SIGLEC9: variants seen among roughly 807,000 people sequenced by gnomAD.
SIGLEC9 encodes the protein sialic acid-binding Ig-like lectin 9.
SIGLEC9 carries 26 observed loss-of-function variants against 38.3 expected under a neutral mutation model. The observed-to-expected ratio is 0.68, with a 90% CI of 0.50 to 0.94. The LOEUF (loss-of-function observed/expected upper bound fraction) is 0.94, where lower values mean the gene tolerates loss of function less well. SIGLEC9 is among the 40% of genes least tolerant of loss of function. The pLI, the probability that SIGLEC9 is intolerant of heterozygous loss-of-function variation, is 0.00. For synonymous variants in SIGLEC9, 236 were observed against 248.0 expected (o/e 0.95, Z 0.45); for missense variants, 556 against 585.7 (o/e 0.95, Z 0.52).
chr19:51,119,986 T>C, upstream of SIGLEC9: 1 of 187,572 alleles, frequency 5.3e-6, no homozygotes. Flanking sequence ...GGAGATGGCC[T>C]TAGAGTGCAG....
intron 3 of SIGLEC9, among the ~76,000 whole-genome samples, chr19:51,126,623 G>C (rs1181322879): frequency 6.6e-6 from 1 of 152,188 alleles, no homozygotes; most frequent in Non-Finnish European, 1.5e-5. Flanking sequence ...GACGTCCGTA[G>C]TGAGACTGTC....
Position 51,127,055 on chromosome 19 carries a change from A to T in SIGLEC9, c.774A>T (p.Ser258=), listed in dbSNP as rs1280112921. The change falls in exon 4 of 7, where the codon TCA becomes TCT. Residue 258 remains serine, a synonymous_variant. Transcript: ENST00000250360. The part of the protein sequence containing the change: ...GTVSTVLGNG[S]SLSLPEGQSL... ...TATCCACAGTCTTGGGAAATGGCTC[A>T]TCTCTGTCACTCCCAGAGGGCCAGT... is the stretch of plus-strand genomic sequence containing the variant. The T allele has an allele frequency of 1.2e-6, 2 of 1,614,032 alleles. No homozygotes were observed. Among genetic ancestry groups the T allele is most frequent in the Non-Finnish European group, 8.5e-7 (1 of 1,179,934 alleles).
rs755507123 is a variant in SIGLEC9 at position 51,126,084 on chromosome 19, C to T, written c.704C>T (p.Pro235Leu). Residue 235 changes from proline to leucine, a missense_variant, in exon 3 of 7, where the codon CCG becomes CTG. Physicochemically the swap from Pro to Leu is moderately conservative, Grantham distance 98. Transcript: ENST00000250360. ...TCTCCATGTCTTTCTGTCCCAGACC[C>T]GCCTCAGAACTTGACCATGACTGTC... ...NKTVHLNVSY[P>L]PQNLTMTVFQ... 8 of 1,613,918 alleles carry T rather than the reference C, an allele frequency of 5.0e-6. No homozygotes were observed. The highest frequency in any genetic ancestry group is 2.2e-5 in the East Asian group (1 of 44,882).
At chr19:51,123,750 G>A (rs1031384743), upstream of SIGLEC9, among the ~76,000 whole-genome samples, 23 of 152,070 alleles carry the variant, frequency 1.5e-4, no homozygotes, top group Non-Finnish European at 2.8e-4. Context: ...TTTCTTGGGG[G>A]GAAGACATTT....
downstream of SIGLEC9, among the ~76,000 whole-genome samples, chr19:51,133,221 T>C (rs752106001): frequency 3.3e-5 from 5 of 152,030 alleles, no homozygotes; most frequent in Admixed American, 1.3e-4. Flanking sequence ...CCCACACATA[T>C]ACAGTCAACT....
chr19:51,136,227 C>A (rs973684250), exon 7 of SIGLEC9: 2 of 700,864 alleles, frequency 2.9e-6, no homozygotes, highest in Admixed American at 4.0e-5. Flanking sequence ...AGTTGCTGTT[C>A]TTTGGATAGG....
downstream of SIGLEC9, among the ~76,000 whole-genome samples, chr19:51,132,662 G>A (rs975943479): frequency 6.6e-6 from 1 of 152,212 alleles, no homozygotes; most frequent in Non-Finnish European, 1.5e-5. Context: ...ATCCCGCTCA[G>A]CTGGAATTGT....
chr19:51,129,159 T>TTG lies in SIGLEC9; in HGVS notation c.1203+650_1203+651insGT, dbSNP rs1555796358. ...CTGACTTTTTTTGTTTTTTTTTTTTTTTGTTGTTGTTGTTTTTGAGACAGA... is the reference window on the plus strand; with the variant it reads ...CTGACTTTTTTTGTTTTTTTTTTTTTTGTTGTTGTTGTTGTTTTTGAGACAGA... On this transcript the variant is annotated intron_variant, in intron 6 of 6. Transcript: ENST00000250360. Among the ~76,000 whole-genome samples the TTG allele has an allele frequency of 4.7e-3, 671 of 144,186 alleles. 4 individuals are homozygous for TTG. The highest frequency in any genetic ancestry group is 0.018 in the African/African-American group (639 of 35,404). 94.6% of individuals were successfully genotyped at this position (144,186 alleles called of 152,430 possible). A position where few individuals can be genotyped will look rare whatever the true frequency, so the allele number is the denominator to read the frequency against.
downstream of SIGLEC9, among the ~76,000 whole-genome samples, chr19:51,132,488 C>T (rs56915529): frequency 0.23 from 34,399 of 152,154 alleles, 4,944 homozygotes; most frequent in Admixed American, 0.34. Context: ...CGGAAAGCAG[C>T]CTCCTGAGAC....
intron 3 of SIGLEC9, among the ~76,000 whole-genome samples, chr19:51,126,611 T>C (rs2091980894): frequency 6.6e-6 from 1 of 152,174 alleles, no homozygotes; most frequent in African/African-American, 2.4e-5. Flanking sequence ...CAGAGGTGGT[T>C]TGACGTCCGT....
At chr19:51,128,805 A>G in intron 6 of SIGLEC9, 1 of 324,808 alleles carries the variant, frequency 3.1e-6, no homozygotes. Flanking sequence ...TCCAGAAGAC[A>G]TCATCGTCCA....
upstream of SIGLEC9, among the ~76,000 whole-genome samples, chr19:51,121,467 C>CA (rs1239689809): frequency 1.3e-5 from 2 of 152,134 alleles, no homozygotes; most frequent in Non-Finnish European, 2.9e-5. Context: ...CCTTTTCATC[C>CA]ACTGTACTCA....
downstream of SIGLEC9, among the ~76,000 whole-genome samples, chr19:51,131,137 C>T (rs1031209638): frequency 6.6e-6 from 1 of 152,076 alleles, no homozygotes; most frequent in Admixed American, 6.6e-5. Context: ...ATGCAGCACC[C>T]GAACGAGGAA....
intron 5 of SIGLEC9, among the ~76,000 whole-genome samples, 174 bp downstream of exon 5, chr19:51,128,213 G>C (rs1299683431): frequency 1.3e-5 from 2 of 152,148 alleles, no homozygotes; most frequent in Non-Finnish European, 2.9e-5. Flanking sequence ...GAGGAGCTTT[G>C]AGTCTGTGGC....
At chr19:51,133,508 A>G (rs2092027892), downstream of SIGLEC9, among the ~76,000 whole-genome samples, 1 of 152,064 alleles carries the variant, frequency 6.6e-6, no homozygotes. Flanking sequence ...GCTTGAACCC[A>G]GGAGGCAGAG....
intron 4 of SIGLEC9, 45 bp from the exon 5 acceptor site, chr19:51,127,903 CA>C: frequency 8.3e-7 from 1 of 1,202,934 alleles, no homozygotes; most frequent in East Asian, 2.3e-5. Context: ...AGAAGAGACC[CA>C]ATTCTCTATG....
chr19:51,127,121 T>A lies in SIGLEC9; in HGVS notation c.840T>A (p.Asn280Lys). 1 of 1,614,176 alleles carries A rather than the reference T, an allele frequency of 6.2e-7. No individual in the cohort carries two copies. The highest frequency in any genetic ancestry group is 8.5e-7 in the Non-Finnish European group (1 of 1,180,042). The change falls in exon 4 of 7, where the codon AAT (asparagine) becomes AAA (lysine). Residue 280 changes from asparagine to lysine, a missense_variant. Transcript: ENST00000250360. ...GTGCAGTTGATGCAGTTGACAGCAATCCCCCTGCCAGGCTGAGCCTGAGCT... is the reference window on the plus strand; with the variant it reads ...GTGCAGTTGATGCAGTTGACAGCAAACCCCCTGCCAGGCTGAGCCTGAGCT... ...LVCAVDAVDS[N>K]PPARLSLSWR...
upstream of SIGLEC9, among the ~76,000 whole-genome samples, chr19:51,123,914 C>G (rs1208360509): frequency 2.6e-5 from 4 of 152,198 alleles, no homozygotes; most frequent in Non-Finnish European, 4.4e-5. Context: ...TGTTTCTTCT[C>G]CCATGAAATC....
rs202213131 is a variant in SIGLEC9, at chr19:51,128,456, C to T, written c.1149C>T (p.Gly383=). ...CRKKSARPAA[G]VGDTGIEDAN... The stretch of plus-strand genomic sequence containing the variant: ...AGAAATCGGCAAGGCCAGCAGCGGG[C>T]GTGGGAGATACGGGCATAGAGGATG... The change falls in exon 6 of 7, where the codon GGC becomes GGT. Residue 383 remains glycine, a synonymous_variant. Coordinates refer to ENST00000250360, the MANE Select transcript of SIGLEC9 (RefSeq NM_014441.3). 3.6e-5 allele frequency: 58 copies of T among 1,614,058 alleles called. No individual in the cohort carries two copies. The highest frequency in any genetic ancestry group is 1.1e-4 in the East Asian group (5 of 44,882).
Sources: allele counts gnomAD v4.1 joint callset (sites outside exome capture counted in the v4.1 genomes callset), GRCh38; gene constraint gnomAD v4.1.1; transcripts MANE v1.5; gene names NCBI Gene and HGNC (gene_info 2026-07-23, HGNC 2026-07-21).